EFCAB6: variants seen among roughly 807,000 people sequenced by gnomAD.
EFCAB6 encodes the protein EF-hand calcium-binding domain-containing protein 6.
In EFCAB6, 156 loss-of-function variants were observed where a neutral mutation model predicts 169.8. That is an observed-to-expected ratio of 0.92 (90% CI 0.81 to 1.05). The LOEUF is 1.05. EFCAB6 is among the 50% of genes least tolerant of loss of function. The pLI, the probability that EFCAB6 is intolerant of heterozygous loss-of-function variation, is 0.00. For missense variants in EFCAB6, 1,800 were observed against 1,829.1 expected (o/e 0.98, Z 0.29); for synonymous variants, 698 against 676.4 (o/e 1.03, Z -0.50).
At chr22:43,741,454 C>G (rs2147744623) in intron 6 of EFCAB6, among the ~76,000 whole-genome samples, 1 of 152,324 alleles carries the variant, frequency 6.6e-6, no homozygotes, top group African/African-American at 2.4e-5. Context: ...CTGAGGCCTT[C>G]CTCACTCGCT....
chr22:43,688,946 A>G (rs2058302288), intron 10 of EFCAB6, among the ~76,000 whole-genome samples: 1 of 152,236 alleles, frequency 6.6e-6, no homozygotes, highest in African/African-American at 2.4e-5. Context: ...CTTTATCTAC[A>G]TCTAGGGTAT....
chr22:43,598,542 A>C (rs927291565), intron 23 of EFCAB6, among the ~76,000 whole-genome samples: 1 of 152,098 alleles, frequency 6.6e-6, no homozygotes, highest in Non-Finnish European at 1.5e-5. Context: ...TGTTACATAC[A>C]ATTTTATAAC....
At chr22:43,625,981 A>G (rs1394055349) in intron 20 of EFCAB6, among the ~76,000 whole-genome samples, 1 of 152,266 alleles carries the variant, frequency 6.6e-6, no homozygotes, top group African/African-American at 2.4e-5. Context: ...TTCAATTTTA[A>G]AAGACTGAGC....
intron 16 of EFCAB6, 25 bp downstream of exon 16, chr22:43,668,847 G>A (rs761602778): frequency 1.9e-6 from 3 of 1,565,486 alleles, no homozygotes; most frequent in Admixed American, 1.8e-5. Flanking sequence ...GTTTTGATAT[G>A]TGCATTCATT....
At chr22:43,767,952 C>T (rs537723135) in intron 4 of EFCAB6, among the ~76,000 whole-genome samples, 86 of 152,246 alleles carry the variant, frequency 5.6e-4, no homozygotes, top group Non-Finnish European at 9.8e-4. Flanking sequence ...CATCTATAGA[C>T]GAATTGCTGA....
intron 2 of EFCAB6, among the ~76,000 whole-genome samples, chr22:43,799,576 A>G (rs982725541): frequency 1.3e-5 from 2 of 152,236 alleles, no homozygotes; most frequent in Non-Finnish European, 2.9e-5. Flanking sequence ...TTGGAAGTAC[A>G]CAGGAACACA....
At chr22:43,642,848 C>A (rs1378370190) in intron 17 of EFCAB6, among the ~76,000 whole-genome samples, 1 of 152,186 alleles carries the variant, frequency 6.6e-6, no homozygotes, top group African/African-American at 2.4e-5. Flanking sequence ...GCTGTGAGTG[C>A]AGATAAATAA....
intron 5 of EFCAB6, among the ~76,000 whole-genome samples, chr22:43,756,543 C>G (rs1449182571): frequency 6.6e-6 from 1 of 152,106 alleles, no homozygotes; most frequent in Non-Finnish European, 1.5e-5. Flanking sequence ...GAGGAGAACA[C>G]GAGGAGGCAG....
chr22:43,540,038 G>A, intron 28 of EFCAB6, 89 bp downstream of exon 28: 1 of 1,449,396 alleles, frequency 6.9e-7, no homozygotes, highest in Non-Finnish European at 9.5e-7. Context: ...TCAACCCTGG[G>A]CCATAGTAGG....
At chr22:43,756,261 G>A (rs528905161) in intron 5 of EFCAB6, among the ~76,000 whole-genome samples, 40 of 152,142 alleles carry the variant, frequency 2.6e-4, no homozygotes, top group Non-Finnish European at 1.0e-4. Context: ...AAGTGGAGGC[G>A]CCAGCATCAG....
chr22:43,721,218 A>T (rs2059512535), intron 8 of EFCAB6, among the ~76,000 whole-genome samples: 1 of 152,232 alleles, frequency 6.6e-6, no homozygotes, highest in Non-Finnish European at 1.5e-5. Context: ...TGCTGAAAGA[A>T]ACTAGAGATG....
chr22:43,547,098 T>C (rs2048103543), intron 27 of EFCAB6, among the ~76,000 whole-genome samples: 2 of 152,150 alleles, frequency 1.3e-5, no homozygotes, highest in Non-Finnish European at 2.9e-5. Context: ...TAAAACAGTC[T>C]AATGATTAAT....
chr22:43,762,181 A>G (rs530768222), intron 5 of EFCAB6, among the ~76,000 whole-genome samples: 1 of 152,086 alleles, frequency 6.6e-6, no homozygotes, highest in South Asian at 2.1e-4. Flanking sequence ...CCCCTTATTC[A>G]CTCAGCACCA....
At chr22:43,534,648 T>G in intron 30 of EFCAB6, 40 bp downstream of exon 30, 1 of 1,556,918 alleles carries the variant, frequency 6.4e-7, no homozygotes, top group Non-Finnish European at 8.7e-7. Flanking sequence ...AAGCGCCCCT[T>G]TCCACCTGGC....
chr22:43,734,817 A>C (rs1404614258), intron 7 of EFCAB6, among the ~76,000 whole-genome samples: 1 of 152,142 alleles, frequency 6.6e-6, no homozygotes, highest in East Asian at 1.9e-4. Flanking sequence ...CTGCAGCATC[A>C]GTGACATGTC....
intron 26 of EFCAB6, among the ~76,000 whole-genome samples, chr22:43,573,963 G>A (rs1281709343): frequency 6.6e-6 from 1 of 151,944 alleles, no homozygotes; most frequent in Admixed American, 6.6e-5. Flanking sequence ...AACCCAATAG[G>A]ACAGAATTAT....
intron 20 of EFCAB6, 49 bp from the exon 21 acceptor site, chr22:43,615,971 C>A: frequency 6.7e-7 from 1 of 1,490,246 alleles, no homozygotes; most frequent in South Asian, 1.2e-5. Context: ...TTAATGGGCT[C>A]ATTAATCTCC....
Position 43,534,800 on chromosome 22 carries a change from T to C in EFCAB6, c.4121A>G (p.Lys1374Arg). ...CQQLIIKYDLKSNGKFAYCDF... is the reference protein window; with the variant it reads ...CQQLIIKYDLRSNGKFAYCDF... ...ACAGTATGCAAATTTCCCGTTGCTC[T>C]TTAAGTCGTATTTTATAATGAGCTG... The change falls in exon 30 of 32, where the codon AAG becomes AGG. Residue 1374 changes from lysine (K) to arginine (R), a missense_variant. By Grantham distance (26) the Lys-to-Arg change is conservative (BLOSUM62 2). Coordinates refer to ENST00000262726, the MANE Select transcript of EFCAB6 (RefSeq NM_022785.4). 1 of 1,614,086 alleles carries C rather than the reference T, an allele frequency of 6.2e-7. No individual in the cohort carries two copies. The highest frequency in any genetic ancestry group is 1.1e-5 in the South Asian group (1 of 91,038).
At chr22:43,571,953 GTGT>G (rs1446420779) in intron 26 of EFCAB6, among the ~76,000 whole-genome samples, 1 of 152,154 alleles carries the variant, frequency 6.6e-6, no homozygotes, top group African/African-American at 2.4e-5. Context: ...CTGAGCTCAG[GTGT>G]TAGCTTCTCG....
Sources: gnomAD v4.1 joint callset for allele counts (sites outside exome capture counted in the v4.1 genomes callset) on GRCh38, gnomAD v4.1.1 for gene constraint, MANE v1.5 for transcripts, NCBI Gene and HGNC (gene_info 2026-07-23, HGNC 2026-07-21) for gene names.